ELP3: variants seen among roughly 807,000 people sequenced by gnomAD.
ELP3 encodes elongator acetyltransferase complex subunit 3.
In ELP3, 56 loss-of-function variants were observed where a neutral mutation model predicts 74.9. The observed-to-expected ratio is 0.75, with a 90% CI of 0.60 to 0.93. The LOEUF (loss-of-function observed/expected upper bound fraction) is 0.93. ELP3 is among the 40% of genes least tolerant of loss of function. ELP3 has a pLI of 0.00. For synonymous variants in ELP3, 222 were observed against 239.8 expected (o/e 0.93, Z 0.68); for missense variants, 573 against 686.5 (o/e 0.83, Z 1.85).
rs769429341 is a variant in ELP3, at chr8:28,158,571, CGA to C, written c.1198_1199del (p.Asp400CysfsTer21). ...TCACGCCATTTTTTTTTGACAGTGTCGAGATGTGAGAACCAGAGAAGTTGGAA... is the reference window on the plus strand; with the variant it reads ...TCACGCCATTTTTTTTTGACAGTGTCGATGTGAGAACCAGAGAAGTTGGAA... ...ARMKDLGIQCRDVRTREVGIQ... is the reference protein window; with the variant it reads ...ARMKDLGIQCXDVRTREVGIQ... On this transcript the variant is annotated frameshift_variant, in exon 12 of 15. Coordinates refer to ENST00000256398, the MANE Select transcript of ELP3 (RefSeq NM_018091.6). LOFTEE classifies it high-confidence loss of function. 9 of 1,563,636 alleles carry C rather than the reference CGA, an allele frequency of 5.8e-6. No homozygotes were observed. The highest frequency in any genetic ancestry group is 7.8e-6 in the Non-Finnish European group (9 of 1,151,786).
chr8:28,109,257 G>A (rs138551580), intron 5 of ELP3, among the ~76,000 whole-genome samples: 1,848 of 152,272 alleles, frequency 0.012, 16 homozygotes, highest in Non-Finnish European at 0.02. Flanking sequence ...GGCCAGTGAG[G>A]TGCTTTTGAA....
chr8:28,155,721 A>G (rs1813799149), intron 10 of ELP3, among the ~76,000 whole-genome samples: 1 of 152,254 alleles, frequency 6.6e-6, no homozygotes, highest in Admixed American at 6.5e-5. Context: ...TGCCTTTCAC[A>G]GAAACCCTGA....
chr8:28,179,888 T>C (rs556746916), intron 14 of ELP3, among the ~76,000 whole-genome samples: 9 of 152,194 alleles, frequency 5.9e-5, no homozygotes, highest in South Asian at 2.1e-4. Flanking sequence ...CCTTGTCTTG[T>C]CTTCACTAGG....
chr8:28,090,494 T>G (rs1811025387), upstream of ELP3: 1 of 226,442 alleles, frequency 4.4e-6, no homozygotes, highest in African/African-American at 2.3e-5. Flanking sequence ...TGTGTGTGTG[T>G]GTGTGTGTGT....
chr8:28,159,813 A>G (rs979763692), intron 12 of ELP3, among the ~76,000 whole-genome samples: 1 of 152,188 alleles, frequency 6.6e-6, no homozygotes, highest in Non-Finnish European at 1.5e-5. Flanking sequence ...GGAGGCGATA[A>G]GGACTAGAAG....
intron 9 of ELP3, among the ~76,000 whole-genome samples, chr8:28,132,876 C>T (rs1296475474): frequency 2.0e-5 from 3 of 152,066 alleles, no homozygotes; most frequent in African/African-American, 7.2e-5. Flanking sequence ...ATTTAAAAAA[C>T]ACTGCAGGTA....
At chr8:28,158,703 T>G in intron 12 of ELP3, 70 bp downstream of exon 12, 1 of 1,264,632 alleles carries the variant, frequency 7.9e-7, no homozygotes, top group Non-Finnish European at 1.2e-6. Context: ...GGCCCACATA[T>G]TCTTAACCAA....
intron 14 of ELP3, among the ~76,000 whole-genome samples, chr8:28,167,497 T>C (rs907757889): frequency 6.6e-6 from 1 of 152,214 alleles, no homozygotes; most frequent in Non-Finnish European, 1.5e-5. Context: ...CATTGTACTC[T>C]AGTTGAAAAG....
At chr8:28,113,316 A>G in intron 7 of ELP3, 143 bp downstream of exon 7, 3 of 585,788 alleles carry the variant, frequency 5.1e-6, no homozygotes, top group South Asian at 7.0e-5. Flanking sequence ...GGATTATTTC[A>G]GTGAAAATAA....
chr8:28,141,760 G>T lies in ELP3; in HGVS notation c.1100+3869G>T, dbSNP rs114331068. Reference sequence around the variant, plus strand: ...CTAAACTAATACACTAGACAACAAAGCTGCAGTAAATAGCATTCACAGAGA... The same window carrying T: ...CTAAACTAATACACTAGACAACAAATCTGCAGTAAATAGCATTCACAGAGA... On this transcript the variant is annotated intron_variant, in intron 10 of 14. Transcript: ENST00000256398. Among the ~76,000 whole-genome samples, 989 of 152,268 alleles carry T rather than the reference G, an allele frequency of 6.5e-3. 15 individuals carry two copies. Among genetic ancestry groups the T allele is most frequent in the African/African-American group, 0.022 (916 of 41,540 alleles).
intron 14 of ELP3, among the ~76,000 whole-genome samples, chr8:28,174,671 G>A (rs1260841858): frequency 6.6e-6 from 1 of 152,088 alleles, no homozygotes; most frequent in African/African-American, 2.4e-5. Flanking sequence ...GAAAAGAGGA[G>A]TTACAAACCA....
In ELP3 at chr8:28,147,095, G is replaced by A. The variant is rs117041481; in HGVS notation, c.1101-8847G>A. Reference sequence around the variant, plus strand: ...AGGACTCATGTTCTCATTTTGCACCGGGCCCCACAGATTCTGTAGCAGCCT... The same window carrying A: ...AGGACTCATGTTCTCATTTTGCACCAGGCCCCACAGATTCTGTAGCAGCCT... On this transcript the variant is annotated intron_variant, in intron 10 of 14. Transcript: ENST00000256398. This position sits in a 1 kb window ranked among gnomAD's most constrained non-coding sequence, Gnocchi z 4.5. Among the ~76,000 whole-genome samples, 648 of 152,030 alleles carry A rather than the reference G, an allele frequency of 4.3e-3. 4 individuals are homozygous for A. The highest frequency in any genetic ancestry group is 0.014 in the African/African-American group (588 of 41,460).
chr8:28,110,222 C>A, intron 5 of ELP3, 148 bp from the exon 6 acceptor site: 2 of 696,680 alleles, frequency 2.9e-6, no homozygotes, highest in South Asian at 3.4e-5. Context: ...TTATTTTGAA[C>A]CCTGACAAGA....
chr8:28,154,709 C>T (rs1813763571), intron 10 of ELP3, among the ~76,000 whole-genome samples: 1 of 152,070 alleles, frequency 6.6e-6, no homozygotes, highest in Non-Finnish European at 1.5e-5. Context: ...TTAGCGTCAT[C>T]TGATTACTAA....
chr8:28,151,107 C>G (rs1451700996), intron 10 of ELP3, among the ~76,000 whole-genome samples: 2 of 152,176 alleles, frequency 1.3e-5, no homozygotes, highest in Non-Finnish European at 2.9e-5. Flanking sequence ...TCCCACAGTT[C>G]TTGGAAATTC....
At chr8:28,091,496 T>C (rs1464902284), upstream of ELP3, among the ~76,000 whole-genome samples, 1 of 152,206 alleles carries the variant, frequency 6.6e-6, no homozygotes, top group Non-Finnish European at 1.5e-5. Flanking sequence ...GCTGGGAAGT[T>C]ACAAAGCTTA....
At chr8:28,176,176 T>C (rs1814744586) in intron 14 of ELP3, among the ~76,000 whole-genome samples, 1 of 152,172 alleles carries the variant, frequency 6.6e-6, no homozygotes, top group African/African-American at 2.4e-5. Flanking sequence ...ATTGTGTGTG[T>C]AGTCACTGAA....
chr8:28,172,563 T>A (rs956248066), intron 14 of ELP3, among the ~76,000 whole-genome samples: 1 of 152,124 alleles, frequency 6.6e-6, no homozygotes, highest in Non-Finnish European at 1.5e-5. Context: ...TTCTTTAGCA[T>A]TGCCTACATA....
At chr8:28,124,221 C>T (rs1014543416) in intron 7 of ELP3, among the ~76,000 whole-genome samples, 4 of 152,028 alleles carry the variant, frequency 2.6e-5, no homozygotes, top group Non-Finnish European at 5.9e-5. Flanking sequence ...TAGTACAATG[C>T]CTTAAGCATA....
Sources: allele counts gnomAD v4.1 joint callset (sites outside exome capture counted in the v4.1 genomes callset), GRCh38; gene constraint gnomAD v4.1.1; non-coding constraint Gnocchi (gnomAD v3.1); transcripts MANE v1.5; gene names NCBI Gene and HGNC (gene_info 2026-07-23, HGNC 2026-07-21).